The following C4orf17 variants were observed in gnomAD, a reference collection of about 807,000 sequenced individuals.
C4orf17 encodes the protein chromosome 4 open reading frame 17.
C4orf17 carries 25 observed loss-of-function variants against 32.0 expected under a neutral mutation model. That is an observed-to-expected ratio of 0.78 (90% CI 0.57 to 1.09). The LOEUF is 1.09. Ranked by LOEUF, C4orf17 falls within the 50% of genes least tolerant of loss-of-function variation. C4orf17 has a pLI of 0.00. For missense variants in C4orf17, 420 were observed against 420.0 expected (o/e 1.00, Z 0.00); for synonymous variants, 149 against 145.8 (o/e 1.02, Z -0.16).
intron 5 of C4orf17, among the ~76,000 whole-genome samples, chr4:99,533,380 A>C (rs1354451265): frequency 6.6e-6 from 1 of 152,200 alleles, no homozygotes; most frequent in East Asian, 1.9e-4. Context: ...AAATATATAC[A>C]GAAATGATTT....
rs754259882 is a variant in C4orf17, at chr4:99,513,155, G to A, written c.74G>A (p.Ser25Asn). 6.2e-7 allele frequency: 1 copy of A among 1,613,902 alleles called. No homozygotes were observed. Among genetic ancestry groups the A allele is most frequent in the South Asian group, 1.1e-5 (1 of 91,068 alleles). ...AGCCATATTATGGCTAGAAATGTAA[G>A]CTGCTTTCTAGTCAGGCACACCCCT... The part of the protein sequence containing the change: ...KGSHIMARNV[S>N]CFLVRHTPHP... Residue 25 changes from serine to asparagine, a missense_variant, in exon 2 of 9, where the codon AGC becomes AAC. Transcript: ENST00000326581.
chr4:99,530,793 G>A (rs1723465869), intron 5 of C4orf17, among the ~76,000 whole-genome samples: 1 of 147,620 alleles, frequency 6.8e-6, no homozygotes, highest in South Asian at 2.1e-4. Context: ...AACTTGAGGA[G>A]AATAAAAGGA....
chr4:99,516,142 ATGTT>A (rs1723177060), intron 2 of C4orf17, among the ~76,000 whole-genome samples: 1 of 152,238 alleles, frequency 6.6e-6, no homozygotes, highest in Non-Finnish European at 1.5e-5. Flanking sequence ...CATTCAGCAG[ATGTT>A]TATTCAATTT....
chr4:99,538,039 C>T (rs1276961379), intron 6 of C4orf17, among the ~76,000 whole-genome samples: 2 of 152,174 alleles, frequency 1.3e-5, no homozygotes, highest in African/African-American at 2.4e-5. Flanking sequence ...GGTTTATGCT[C>T]CTCCAGAGTC....
chr4:99,534,330 G>A (rs1030606079), intron 5 of C4orf17, among the ~76,000 whole-genome samples: 10 of 152,136 alleles, frequency 6.6e-5, no homozygotes, highest in Admixed American at 1.3e-4. Flanking sequence ...TCATGGCTGC[G>A]TAGTATTCCA....
In C4orf17 at chr4:99,522,641, A is replaced by G; in HGVS notation, c.269A>G (p.Gln90Arg). 1.2e-6 allele frequency: 2 copies of G among 1,614,106 alleles called. No individual in the cohort carries two copies. Among genetic ancestry groups the G allele is most frequent in the Non-Finnish European group, 1.7e-6 (2 of 1,180,002 alleles). ...NCSYPSSTAV[Q>R]ESPVRGMSPA... is the part of the protein sequence containing the mutation. ...AGTTACCCCTCCAGCACTGCAGTCC[A>G]GGAGAGCCCTGTAAGAGGAATGTCG... is the stretch of plus-strand genomic sequence containing the variant. Residue 90 changes from glutamine (Q) to arginine (R), a missense_variant, in exon 3 of 9, where the codon CAG becomes CGG. Gln to Arg is a conservative substitution (Grantham distance 43, BLOSUM62 1). Transcript: ENST00000326581.
Position 99,541,967 on chromosome 4 carries a change from C to A in C4orf17, c.938C>A (p.Ala313Glu). ...AGAAATAATATGAAAATACCTGTTGCAGAATATTTCAGCAAACCAAATTCT... is the reference window on the plus strand; with the variant it reads ...AGAAATAATATGAAAATACCTGTTGAAGAATATTTCAGCAAACCAAATTCT... ...IRRNNMKIPVAEYFSKPNSPP... is the reference protein window; with the variant it reads ...IRRNNMKIPVEEYFSKPNSPP... The change falls in exon 9 of 9, where the codon GCA becomes GAA. Residue 313 changes from alanine to glutamate, a missense_variant. Transcript: ENST00000326581. 1 of 1,613,932 alleles carries A rather than the reference C, an allele frequency of 6.2e-7. No individual in the cohort carries two copies. The highest frequency in any genetic ancestry group is 1.1e-5 in the South Asian group (1 of 91,054).
At chr4:99,518,540 TATATAGAGAGAGAGAG>T (rs1723230788) in intron 2 of C4orf17, among the ~76,000 whole-genome samples, 1 of 68,810 alleles carries the variant, frequency 1.5e-5, no homozygotes, top group South Asian at 5.5e-4. Context: ...TATATATATA[TATATAGAGAGAGAGAG>T]AGAGAGAGAG....
intron 1 of C4orf17, 27 bp from the exon 2 acceptor site, chr4:99,512,962 A>G: frequency 1.0e-6 from 1 of 965,586 alleles, no homozygotes; most frequent in Non-Finnish European, 1.5e-6. Flanking sequence ...AACTCTTGTC[A>G]GAATGTTTGT....
chr4:99,536,061 T>C (rs372414112), intron 5 of C4orf17: 14 of 418,388 alleles, frequency 3.3e-5, no homozygotes, highest in Admixed American at 8.4e-5. Flanking sequence ...TCAGTGAGAG[T>C]TGCAAGACAG....
chr4:99,537,787 A>T (rs2110174130), intron 6 of C4orf17, 37 bp downstream of exon 6: 1 of 1,447,290 alleles, frequency 6.9e-7, no homozygotes, highest in East Asian at 2.3e-5. Flanking sequence ...CACTGAGCTC[A>T]ATTTATTGTC....
In C4orf17 at chr4:99,534,442, T is replaced by C. The variant is rs1052198363; in HGVS notation, c.547-3227T>C. On this transcript the variant is annotated intron_variant, in intron 5 of 8. Coordinates refer to ENST00000326581, the MANE Select transcript of C4orf17 (RefSeq NM_032149.3). ...TGCGAATAGTGCTGCAGTGAACATATGCATGCATATATCTTTATAACAAAA... is the reference window on the plus strand; with the variant it reads ...TGCGAATAGTGCTGCAGTGAACATACGCATGCATATATCTTTATAACAAAA... Among the ~76,000 whole-genome samples the C allele has an allele frequency of 3.3e-5, 5 of 152,238 alleles. No homozygotes were observed. The East Asian group carries it at 9.7e-4, about 29-fold the overall frequency.
chr4:99,521,914 G>A (rs112724250), intron 2 of C4orf17, among the ~76,000 whole-genome samples: 3,786 of 152,244 alleles, frequency 0.025, 116 homozygotes, highest in Middle Eastern at 0.099. Flanking sequence ...AGGAGAGAGA[G>A]TGAACCCAGA....
In C4orf17 at chr4:99,539,265, G is replaced by T. The variant is rs1723614379; in HGVS notation, c.731G>T (p.Gly244Val). 1 of 1,613,926 alleles carries T rather than the reference G, an allele frequency of 6.2e-7. No homozygotes were observed. Among genetic ancestry groups the T allele is most frequent in the Non-Finnish European group, 8.5e-7 (1 of 1,179,970 alleles). Residue 244 changes from glycine to valine, a missense_variant, in exon 7 of 9, where the codon GGG becomes GTG. Physicochemically the swap from Gly to Val is moderately radical, Grantham distance 109. Transcript: ENST00000326581. ...NTSMEPAAET[G>V]KPPTVKSPPT... ...TCAATGGAACCAGCAGCAGAGACTG[G>T]GAAGCCACCCACAGTTAAATCACCA...
rs560796923 is a variant in C4orf17 at position 99,512,386 on chromosome 4, G to C, written c.-93-603G>C. Among the ~76,000 whole-genome samples the C allele has an allele frequency of 1.4e-4, 22 of 152,162 alleles. 1 individual carries two copies. The South Asian group carries it at 4.6e-3, about 32-fold the overall frequency. ...ACATAACATTATCTTTAATCTCCCA[G>C]GTCTATGACACCATAGGTGTCTAAA... On this transcript the variant is annotated intron_variant, in intron 1 of 8. Transcript: ENST00000326581.
In C4orf17 at chr4:99,542,155, T is replaced by A. The variant is rs776558935; in HGVS notation, c.*46T>A. 1 of 1,493,028 alleles carries A rather than the reference T, an allele frequency of 6.7e-7. No individual in the cohort carries two copies. The highest frequency in any genetic ancestry group is 9.3e-7 in the Non-Finnish European group (1 of 1,073,956). The allele number at this position is 1,493,028 out of a possible 1,614,324, so 92.5% of individuals were successfully genotyped here. The stretch of plus-strand genomic sequence containing the variant: ...TCTTTCATGAATATGAGCTTCACAT[T>A]TACATCATCAAATTATTTTTCAAAT... On this transcript the variant is annotated 3_prime_UTR_variant, in exon 9 of 9. Coordinates refer to ENST00000326581, the MANE Select transcript of C4orf17 (RefSeq NM_032149.3).
At chr4:99,517,922 C>T (rs976310678) in intron 2 of C4orf17, among the ~76,000 whole-genome samples, 3 of 152,150 alleles carry the variant, frequency 2.0e-5, no homozygotes, top group African/African-American at 7.2e-5. Context: ...TCTTGATCTT[C>T]CTTCAAAAGC....
At position 99,529,962 on chromosome 4, in the gene C4orf17, A is replaced by G. The variant is rs749318661; in HGVS notation, c.546+4A>G. ...CTATCTGGATCAGGAAATAAAAGTAAGTATCAGGTTTATCAAATCCATAAC... is the reference window on the plus strand; with the variant it reads ...CTATCTGGATCAGGAAATAAAAGTAGGTATCAGGTTTATCAAATCCATAAC... On this transcript the variant is annotated splice_donor_region_variant and intron_variant, in intron 5 of 8. Transcript: ENST00000326581. The G allele has an allele frequency of 2.7e-5, 44 of 1,604,234 alleles. No individual in the cohort carries two copies. The highest frequency in any genetic ancestry group is 3.3e-4 in the Middle Eastern group (2 of 6,030).
At chr4:99,518,518 A>AAT (rs1323508832) in intron 2 of C4orf17, among the ~76,000 whole-genome samples, 301 of 16,778 alleles carry the variant, frequency 0.018, 6 homozygotes, top group African/African-American at 0.027. Flanking sequence ...AAAAAAAAAA[A>AAT]ATATATATAT....
Sources: allele counts gnomAD v4.1 joint callset (sites outside exome capture counted in the v4.1 genomes callset), GRCh38; gene constraint gnomAD v4.1.1; transcripts MANE v1.5; gene names NCBI Gene and HGNC (gene_info 2026-07-23, HGNC 2026-07-21).